The following ATP2C1 variants were observed in gnomAD, a reference collection of about 807,000 sequenced individuals.
ATP2C1 encodes the protein ATPase secretory pathway Ca2+ transporting 1, also known as calcium-transporting ATPase type 2C member 1.
A neutral mutation model predicts 120.5 loss-of-function variants in ATP2C1; 31 were observed. The ratio of observed to expected loss-of-function variants is 0.26; its 90% confidence interval spans 0.19 to 0.35. ATP2C1 has a LOEUF of 0.35. Ranked by LOEUF, ATP2C1 falls within the 10% of genes least tolerant of loss-of-function variation. ATP2C1 has a pLI of 1.00. For missense variants in ATP2C1, 731 were observed against 1,107.5 expected, an observed-to-expected ratio of 0.66 and a Z score of 4.83; for synonymous variants, 351 against 358.7, an observed-to-expected ratio of 0.98 and a Z score of 0.24.
intron 12 of ATP2C1, 108 bp downstream of exon 12, chr3:130,959,449 A>C: frequency 1.4e-6 from 1 of 702,092 alleles, no homozygotes; most frequent in Non-Finnish European, 2.5e-6. Context: ...AGCCCATAAG[A>C]GTATAACATC....
At chr3:130,859,969 C>T (rs6808262) in intron 1 of ATP2C1, among the ~76,000 whole-genome samples, 3 of 152,124 alleles carry the variant, frequency 2.0e-5, no homozygotes, top group African/African-American at 7.2e-5. Flanking sequence ...TTAACAGATC[C>T]ATCCTAAAAT....
chr3:130,902,414 A>G (rs543616340), intron 2 of ATP2C1, among the ~76,000 whole-genome samples: 17 of 144,676 alleles, frequency 1.2e-4, no homozygotes, highest in African/African-American at 3.3e-4. Flanking sequence ...GATTTTGATT[A>G]TACTTTGGTT....
chr3:130,973,791 A>C (rs2061430938), intron 17 of ATP2C1, among the ~76,000 whole-genome samples: 1 of 152,202 alleles, frequency 6.6e-6, no homozygotes, highest in Non-Finnish European at 1.5e-5. Flanking sequence ...TTGACACTGG[A>C]GGCTGGAAGA....
At chr3:130,903,700 C>CCCTTT (rs145176420) in intron 2 of ATP2C1, among the ~76,000 whole-genome samples, 12,561 of 138,500 alleles carry the variant, frequency 0.091, 636 homozygotes, top group Non-Finnish European at 0.099. Context: ...TTCCCCTTTC[C>CCCTTT]CCTTTCCTTT....
At chr3:130,959,446 A>C (rs1177715636) in intron 12 of ATP2C1, 105 bp downstream of exon 12, 2 of 735,104 alleles carry the variant, frequency 2.7e-6, no homozygotes, top group Non-Finnish European at 4.8e-6. Flanking sequence ...TGGAGCCCAT[A>C]AGAGTATAAC....
At chr3:130,906,617 A>G (rs2058132908) in intron 2 of ATP2C1, among the ~76,000 whole-genome samples, 1 of 151,166 alleles carries the variant, frequency 6.6e-6, no homozygotes, top group Non-Finnish European at 1.5e-5. Context: ...CATTCCCACT[A>G]GCAGTGTATG....
At chr3:130,943,988 T>A (rs2060030691) in intron 8 of ATP2C1, among the ~76,000 whole-genome samples, 1 of 152,222 alleles carries the variant, frequency 6.6e-6, no homozygotes. Context: ...GGCTAGCTGG[T>A]CATTTGATAC....
exon 1 of ATP2C1, chr3:130,850,744 G>C: frequency 1.5e-6 from 1 of 652,624 alleles, no homozygotes; most frequent in South Asian, 2.4e-5. Flanking sequence ...TTAGGCATCT[G>C]AGGAATTGCT....
intron 17 of ATP2C1, among the ~76,000 whole-genome samples, chr3:130,973,331 A>C (rs2061411565): frequency 6.6e-6 from 1 of 152,162 alleles, no homozygotes; most frequent in Non-Finnish European, 1.5e-5. Context: ...ACACTTGGAG[A>C]GGGAGAATTC....
intron 1 of ATP2C1, among the ~76,000 whole-genome samples, chr3:130,867,488 C>T (rs1365910736): frequency 6.7e-6 from 1 of 149,330 alleles, no homozygotes; most frequent in Non-Finnish European, 1.5e-5. Flanking sequence ...GACGGGGTTT[C>T]GCTGTGTTGG....
chr3:130,940,760 ACATATTGTTATCCC>A, intron 7 of ATP2C1, 69 bp downstream of exon 7: 1 of 1,147,024 alleles, frequency 8.7e-7, no homozygotes, highest in Non-Finnish European at 1.3e-6. Flanking sequence ...CTAGTACCGT[ACATATTGTTATCCC>A]CACTTTGTCT....
intron 4 of ATP2C1, 54 bp from the exon 5 acceptor site, chr3:130,934,566 TGA>T: frequency 8.7e-7 from 1 of 1,150,276 alleles, no homozygotes; most frequent in Non-Finnish European, 1.3e-6. Context: ...AAGCCTTTGC[TGA>T]GAGAACTGTC....
downstream of ATP2C1, among the ~76,000 whole-genome samples, chr3:131,006,151 G>A (rs1298309278): frequency 6.6e-6 from 1 of 152,146 alleles, no homozygotes; most frequent in Non-Finnish European, 1.5e-5. Flanking sequence ...TTGCTCTGTT[G>A]CCCAGGCTGG....
downstream of ATP2C1, among the ~76,000 whole-genome samples, chr3:131,004,517 TTTAAAA>T (rs1173483180): frequency 4.6e-5 from 7 of 152,332 alleles, no homozygotes; most frequent in South Asian, 8.3e-4. Context: ...TAGGTTTAGA[TTTAAAA>T]AGAAAAAGTA....
chr3:130,903,722 C>G (rs1427870237), intron 2 of ATP2C1, among the ~76,000 whole-genome samples: 1 of 147,046 alleles, frequency 6.8e-6, no homozygotes, highest in Non-Finnish European at 1.5e-5. Context: ...CTTTCCTTTC[C>G]TTTCCTTTCC....
intron 14 of ATP2C1, among the ~76,000 whole-genome samples, chr3:130,966,221 C>G (rs1398816767): frequency 6.6e-6 from 1 of 152,064 alleles, no homozygotes; most frequent in Non-Finnish European, 1.5e-5. Flanking sequence ...GGTGTTAGAT[C>G]TGGTCAAAGA....
chr3:130,866,734 G>A (rs1446718697), intron 1 of ATP2C1, among the ~76,000 whole-genome samples: 2 of 152,168 alleles, frequency 1.3e-5, no homozygotes, highest in Non-Finnish European at 2.9e-5. Flanking sequence ...AGGCCAATAA[G>A]TGTCTACTCA....
chr3:130,889,050 G>A (rs1273976276), intron 1 of ATP2C1, among the ~76,000 whole-genome samples: 1 of 152,238 alleles, frequency 6.6e-6, no homozygotes, highest in Non-Finnish European at 1.5e-5. Flanking sequence ...GTTCCGGGTT[G>A]TAGGTGGCTG....
At chr3:130,947,035 A>G (rs1022488037) in intron 8 of ATP2C1, among the ~76,000 whole-genome samples, 2 of 152,224 alleles carry the variant, frequency 1.3e-5, no homozygotes, top group Admixed American at 1.3e-4. Flanking sequence ...CTGCTCATGA[A>G]ATGAATTGAC....
Sources: gnomAD v4.1 joint callset for allele counts (sites outside exome capture counted in the v4.1 genomes callset) on GRCh38, gnomAD v4.1.1 for gene constraint, MANE v1.5 for transcripts, NCBI Gene and HGNC (gene_info 2026-07-23, HGNC 2026-07-21) for gene names.